Variants in TANC1 observed in about 807,000 individuals in gnomAD.
The protein encoded by TANC1 is tetratricopeptide repeat, ankyrin repeat and coiled-coil containing 1, also known as protein TANC1.
In TANC1, 77 loss-of-function variants were observed where a neutral mutation model predicts 149.7. The observed-to-expected ratio is 0.51, with a 90% CI of 0.43 to 0.62. The LOEUF (loss-of-function observed/expected upper bound fraction) is 0.62. Among genes scored for constraint, TANC1 ranks in the 20% least tolerant of loss-of-function variants. The pLI, the probability that TANC1 is intolerant of heterozygous loss-of-function variation, is 0.00. For missense variants in TANC1, 1,985 were observed against 2,321.8 expected (o/e 0.85, Z 2.98); for synonymous variants, 854 against 925.0 (o/e 0.92, Z 1.39).
At chr2:159,069,569 A>G (rs1332900554) in intron 3 of TANC1, among the ~76,000 whole-genome samples, 1 of 152,150 alleles carries the variant, frequency 6.6e-6, no homozygotes, top group Non-Finnish European at 1.5e-5. Context: ...AAAATTAAAT[A>G]ATTACTAGAC....
rs779177488 is a variant in TANC1 at position 159,172,187 on chromosome 2, C to T, written c.1418C>T (p.Ser473Phe). 6.2e-7 allele frequency: 1 copy of T among 1,614,192 alleles called. No individual in the cohort carries two copies. The highest frequency in any genetic ancestry group is 8.5e-7 in the Non-Finnish European group (1 of 1,180,004). Residue 473 changes from serine to phenylalanine, a missense_variant, in exon 11 of 27, where the codon TCC becomes TTC. Physicochemically the swap from Ser to Phe is radical, Grantham distance 155. Coordinates refer to ENST00000263635, the MANE Select transcript of TANC1 (RefSeq NM_033394.3). ...LLSPSSSTSA[S>F]STAKTPLGSI... Reference sequence around the variant, plus strand: ...TCACCGAGTTCTTCCACAAGTGCTTCCAGCACAGCTAAAACACCTCTTGGG... The same window carrying T: ...TCACCGAGTTCTTCCACAAGTGCTTTCAGCACAGCTAAAACACCTCTTGGG...
chr2:159,117,701 C>CTTTTTTTTTTTTT (rs59509568), intron 4 of TANC1, among the ~76,000 whole-genome samples: 1 of 113,282 alleles, frequency 8.8e-6, no homozygotes, highest in African/African-American at 3.7e-5. Flanking sequence ...CGGCCTATTC[C>CTTTTTTTTTTTTT]TTTTTTTTTT....
At chr2:159,216,412 G>A (rs1339381378) in intron 19 of TANC1, among the ~76,000 whole-genome samples, 1 of 152,148 alleles carries the variant, frequency 6.6e-6, no homozygotes, top group African/African-American at 2.4e-5. Flanking sequence ...CCCTCCAGAG[G>A]AACAGCCATC....
chr2:159,011,577 C>G (rs965788890), intron 2 of TANC1, among the ~76,000 whole-genome samples: 1 of 142,946 alleles, frequency 7.0e-6, no homozygotes. Context: ...ACTCTGTTGC[C>G]CAAGCTGGAG....
intron 2 of TANC1, among the ~76,000 whole-genome samples, chr2:159,037,716 C>G (rs955609115): frequency 1.7e-4 from 26 of 152,248 alleles, no homozygotes; most frequent in African/African-American, 4.8e-4. Flanking sequence ...TGGTCTATCT[C>G]TCTGTTTTGG....
At chr2:158,986,248 A>ATTCCT (rs879336106) in intron 1 of TANC1, among the ~76,000 whole-genome samples, 7,858 of 152,016 alleles carry the variant, frequency 0.052, 643 homozygotes, top group African/African-American at 0.18. Context: ...GATGAAAAGG[A>ATTCCT]ATACTTAGCA....
chr2:159,171,651 G>A (rs2055221326), intron 10 of TANC1, among the ~76,000 whole-genome samples: 1 of 152,126 alleles, frequency 6.6e-6, no homozygotes, highest in South Asian at 2.1e-4. Flanking sequence ...AAGGTCAGGA[G>A]ATTGAGACCA....
intron 4 of TANC1, among the ~76,000 whole-genome samples, chr2:159,112,573 T>TC (rs1553557158): frequency 6.3e-5 from 9 of 141,852 alleles, no homozygotes; most frequent in Admixed American, 2.8e-4. Context: ...TTTTTTTTTT[T>TC]CTCGTTTTCC....
chr2:159,013,629 G>A (rs950015939), intron 2 of TANC1, among the ~76,000 whole-genome samples: 6 of 152,104 alleles, frequency 3.9e-5, no homozygotes, highest in South Asian at 4.1e-4. Flanking sequence ...ACACAGTACC[G>A]ACGGTCTATA....
chr2:159,169,408 G>A, intron 9 of TANC1, 36 bp downstream of exon 9: 1 of 1,604,024 alleles, frequency 6.2e-7, no homozygotes, highest in Non-Finnish European at 8.5e-7. Flanking sequence ...TAATGGTTAT[G>A]ACTAACTCAG....
At chr2:159,113,610 T>C (rs1306443449) in intron 4 of TANC1, among the ~76,000 whole-genome samples, 2 of 152,202 alleles carry the variant, frequency 1.3e-5, no homozygotes, top group African/African-American at 4.8e-5. Flanking sequence ...TGCCTTTTAT[T>C]GTCCTCTCTC....
chr2:159,092,897 C>T (rs372505266), intron 3 of TANC1, among the ~76,000 whole-genome samples: 50 of 152,258 alleles, frequency 3.3e-4, no homozygotes, highest in South Asian at 3.1e-3. Context: ...AGCTCTTAAA[C>T]GTGTGAAGTG....
intron 4 of TANC1, among the ~76,000 whole-genome samples, chr2:159,105,778 G>A (rs188525067): frequency 2.4e-4 from 36 of 152,282 alleles, no homozygotes; most frequent in African/African-American, 8.4e-4. Context: ...ATCAGACTAT[G>A]AAAGTGAGTT....
At chr2:158,992,330 A>G (rs557823209) in intron 1 of TANC1, among the ~76,000 whole-genome samples, 1 of 151,028 alleles carries the variant, frequency 6.6e-6, no homozygotes, top group Admixed American at 6.6e-5. Context: ...ACACCACTGC[A>G]CTCCATCCTG....
At chr2:159,070,953 C>G (rs1241589373) in intron 3 of TANC1, among the ~76,000 whole-genome samples, 1 of 152,094 alleles carries the variant, frequency 6.6e-6, no homozygotes, top group African/African-American at 2.4e-5. Flanking sequence ...ATAATTTGAT[C>G]TAACATCTAT....
At chr2:159,036,777 G>A (rs962783212) in intron 2 of TANC1, among the ~76,000 whole-genome samples, 1 of 152,136 alleles carries the variant, frequency 6.6e-6, no homozygotes, top group African/African-American at 2.4e-5. Context: ...CATTTGGGTT[G>A]GTTCCAAGTC....
chr2:159,016,175 A>G (rs965543148), intron 2 of TANC1, among the ~76,000 whole-genome samples: 6 of 152,246 alleles, frequency 3.9e-5, no homozygotes, highest in Admixed American at 3.9e-4. Flanking sequence ...ATCATGGCGG[A>G]AGGTAAGAAG....
intron 1 of TANC1, among the ~76,000 whole-genome samples, chr2:158,984,514 C>A (rs2034785671): frequency 6.6e-6 from 1 of 152,164 alleles, no homozygotes; most frequent in South Asian, 2.1e-4. Context: ...TTTCATTTGT[C>A]AGCGGGTGGT....
intron 13 of TANC1, 37 bp downstream of exon 13, chr2:159,176,555 A>G (rs904319837): frequency 6.6e-7 from 1 of 1,506,834 alleles, no homozygotes; most frequent in Non-Finnish European, 9.0e-7. Context: ...CCAAGTCCCC[A>G]TTCCAATTTT....
Sources: gnomAD v4.1 joint callset for allele counts (sites outside exome capture counted in the v4.1 genomes callset) on GRCh38, gnomAD v4.1.1 for gene constraint, MANE v1.5 for transcripts, NCBI Gene and HGNC (gene_info 2026-07-23, HGNC 2026-07-21) for gene names.